Variants in ZNF462 observed in about 807,000 individuals in gnomAD.
ZNF462 encodes zinc finger PBX1-interacting protein.
Under a neutral mutation model 201.9 loss-of-function variants are expected in ZNF462, and 10 were observed. The observed-to-expected ratio is 0.05, with a 90% CI of 0.03 to 0.08. The LOEUF (loss-of-function observed/expected upper bound fraction) is 0.08. ZNF462 is among the 10% of genes least tolerant of loss of function. The pLI, the probability that ZNF462 is intolerant of heterozygous loss-of-function variation, is 1.00. For synonymous variants in ZNF462, 1,227 were observed against 1,193.3 expected (o/e 1.03, Z -0.58); for missense variants, 2,523 against 3,168.3 (o/e 0.80, Z 4.89).
At chr9:106,897,275 TG>T (rs1376044665) in intron 1 of ZNF462, among the ~76,000 whole-genome samples, 2 of 152,224 alleles carry the variant, frequency 1.3e-5, no homozygotes, top group Non-Finnish European at 2.9e-5. Context: ...TTATGTATTA[TG>T]TTTTGCAACT....
chr9:106,894,123 A>G (rs1403555197), intron 1 of ZNF462, among the ~76,000 whole-genome samples: 3 of 152,226 alleles, frequency 2.0e-5, no homozygotes, highest in Non-Finnish European at 4.4e-5. Context: ...AGGTTATACA[A>G]CTTGCCAAGC....
intron 6 of ZNF462, among the ~76,000 whole-genome samples, chr9:106,936,287 T>C (rs1435983511): frequency 2.6e-5 from 4 of 151,892 alleles, no homozygotes; most frequent in Non-Finnish European, 4.4e-5. Flanking sequence ...AGGCGTGTTA[T>C]ATGCATCATC....
rs1265417003 is a variant in ZNF462 at position 106,974,113 on chromosome 9, C to G, written c.6696-24C>G. The G allele has an allele frequency of 6.2e-7, 1 of 1,613,912 alleles. No homozygotes were observed. Among genetic ancestry groups the G allele is most frequent in the Admixed American group, 1.7e-5 (1 of 60,010 alleles). On this transcript the variant is annotated intron_variant, in intron 8 of 12. Coordinates refer to ENST00000277225, the MANE Select transcript of ZNF462 (RefSeq NM_021224.6). The surrounding 1 kb of genome is among the most constrained non-coding windows in gnomAD (Gnocchi z 4.0). ...AATGATCCCTGGTTACACGCATCAC[C>G]TCTCCTCCCAAACTCTCTCCTAGAT...
In ZNF462 at chr9:106,870,433, C is replaced by A. The variant is rs1827538897; in HGVS notation, c.-31+7078C>A. Among the ~76,000 whole-genome samples the A allele has an allele frequency of 6.6e-6, 1 of 152,098 alleles. No homozygotes were observed. The highest frequency in any genetic ancestry group is 1.5e-5 in the Non-Finnish European group (1 of 68,012). On this transcript the variant is annotated intron_variant, in intron 1 of 12. Transcript: ENST00000277225. The surrounding 1 kb of genome is among the most constrained non-coding windows in gnomAD (Gnocchi z 4.3). ...TTGTGCTGCGCCTGTCCACATCTTACCCCCAACCTTATTCAAAGAGTAGAC... is the reference window on the plus strand; with the variant it reads ...TTGTGCTGCGCCTGTCCACATCTTAACCCCAACCTTATTCAAAGAGTAGAC...
At chr9:107,002,140 T>C (rs1201662649) in intron 10 of ZNF462, among the ~76,000 whole-genome samples, 1 of 152,144 alleles carries the variant, frequency 6.6e-6, no homozygotes, top group Non-Finnish European at 1.5e-5. Flanking sequence ...TCTTGTAAAT[T>C]ATCTCTTTCC....
Position 106,925,875 on chromosome 9 carries a change from G to A in ZNF462, c.1963G>A (p.Val655Met). The A allele has an allele frequency of 6.2e-7, 1 of 1,614,188 alleles. No individual in the cohort carries two copies. The highest frequency in any genetic ancestry group is 8.5e-7 in the Non-Finnish European group (1 of 1,180,030). Residue 655 changes from valine to methionine, a missense_variant, in exon 3 of 13, where the codon GTG becomes ATG. Transcript: ENST00000277225. This position sits in a 1 kb window ranked among gnomAD's most constrained non-coding sequence, Gnocchi z 7.9. ...CAGCCACCCCTCTTCCAGCAACACTGTGAAGAAAAGTCAGACCTCAATTCT... is the reference window on the plus strand; with the variant it reads ...CAGCCACCCCTCTTCCAGCAACACTATGAAGAAAAGTCAGACCTCAATTCT... ...TDSHPSSSNT[V>M]KKSQTSILGL...
At chr9:106,982,779 C>T (rs906224547) in intron 9 of ZNF462, among the ~76,000 whole-genome samples, 2 of 152,154 alleles carry the variant, frequency 1.3e-5, no homozygotes, top group African/African-American at 4.8e-5. Context: ...AAGGCAGTGA[C>T]TGCCCTACAA....
intron 1 of ZNF462, among the ~76,000 whole-genome samples, chr9:106,901,487 A>T (rs1483040240): frequency 1.3e-5 from 2 of 152,064 alleles, no homozygotes; most frequent in Admixed American, 1.3e-4. Context: ...ATTGCATTGA[A>T]TTTGTACATT....
intron 1 of ZNF462, among the ~76,000 whole-genome samples, chr9:106,908,910 C>CATACATATATATATAT (rs1554699359): frequency 2.3e-5 from 1 of 43,978 alleles, no homozygotes; most frequent in African/African-American, 1.1e-4. Flanking sequence ...CCCATATATA[C>CATACATATATATATAT]ATATATATAT....
intron 7 of ZNF462, among the ~76,000 whole-genome samples, chr9:106,951,577 A>G (rs1831349674): frequency 6.6e-6 from 1 of 152,230 alleles, no homozygotes; most frequent in African/African-American, 2.4e-5. Context: ...GACTGGCCAT[A>G]TAAAGCCACT....
At chr9:106,864,788 C>T (rs1002345113) in intron 1 of ZNF462, among the ~76,000 whole-genome samples, 1 of 152,074 alleles carries the variant, frequency 6.6e-6, no homozygotes, top group African/African-American at 2.4e-5. Context: ...GTCTGAGTGT[C>T]TGTGTTGGCT....
At chr9:106,900,532 C>A (rs969596628) in intron 1 of ZNF462, among the ~76,000 whole-genome samples, 1 of 152,046 alleles carries the variant, frequency 6.6e-6, no homozygotes, top group Admixed American at 6.6e-5. Flanking sequence ...CTCTGTTCAC[C>A]GCATCCATGC....
Position 107,009,690 on chromosome 9 carries a change from A to T in ZNF462, c.7313+22A>T. ...GCATGTAAGTTGGGCCACTTCAAGG[A>T]TGCCTTTGTCCAAAGCAAGAGGTAG... is the stretch of plus-strand genomic sequence containing the variant. On this transcript the variant is annotated intron_variant, in intron 12 of 12. Coordinates refer to ENST00000277225, the MANE Select transcript of ZNF462 (RefSeq NM_021224.6). This position sits in a 1 kb window ranked among gnomAD's most constrained non-coding sequence, Gnocchi z 6.1. The T allele has an allele frequency of 9.4e-7, 1 of 1,064,570 alleles. No individual in the cohort carries two copies. The highest frequency in any genetic ancestry group is 1.3e-6 in the Non-Finnish European group (1 of 748,686). The allele number at this position is 1,064,570 out of a possible 1,614,324, so 65.9% of individuals were successfully genotyped here.
In ZNF462 at chr9:106,895,483, T is replaced by C. The variant is rs1198004871; in HGVS notation, c.-30-27871T>C. On this transcript the variant is annotated intron_variant, in intron 1 of 12. Transcript: ENST00000277225. The surrounding 1 kb of genome is among the most constrained non-coding windows in gnomAD (Gnocchi z 4.4). Reference sequence around the variant, plus strand: ...CCACCATCCTCTTCACCTCTAGGAGTCCCTCATGATGCTAGCAAAATAATC... The same window carrying C: ...CCACCATCCTCTTCACCTCTAGGAGCCCCTCATGATGCTAGCAAAATAATC... 1.3e-5 allele frequency among the ~76,000 whole-genome samples: 2 copies of C among 152,002 alleles called. No homozygotes were observed. Among genetic ancestry groups the C allele is most frequent in the African/African-American group, 2.4e-5 (1 of 41,370 alleles).
At chr9:106,861,833 GCTT>G (rs1236966058), upstream of ZNF462, among the ~76,000 whole-genome samples, 1 of 152,172 alleles carries the variant, frequency 6.6e-6, no homozygotes, top group African/African-American at 2.4e-5. Context: ...AGGTGTGAAA[GCTT>G]CATCTTGGCT....
Position 106,913,416 on chromosome 9 carries a change from G to T in ZNF462, c.-30-9938G>T, listed in dbSNP as rs540081570. Among the ~76,000 whole-genome samples, 1 of 152,250 alleles carries T rather than the reference G, an allele frequency of 6.6e-6. No individual in the cohort carries two copies. The highest frequency in any genetic ancestry group is 2.1e-4 in the South Asian group (1 of 4,820). ...TACTCATAGCACAAATCTCATCAGA[G>T]CCAGACTTATGCCGGGCCCTGGGGA... On this transcript the variant is annotated intron_variant, in intron 1 of 12. Transcript: ENST00000277225. The surrounding 1 kb of genome is among the most constrained non-coding windows in gnomAD (Gnocchi z 4.1).
chr9:106,954,078 A>G lies in ZNF462; in HGVS notation c.6427+14971A>G, dbSNP rs1831471193. 6.6e-6 allele frequency among the ~76,000 whole-genome samples: 1 copy of G among 152,154 alleles called. No homozygotes were observed. Among genetic ancestry groups the G allele is most frequent in the Non-Finnish European group, 1.5e-5 (1 of 68,042 alleles). On this transcript the variant is annotated intron_variant, in intron 7 of 12. Coordinates refer to ENST00000277225, the MANE Select transcript of ZNF462 (RefSeq NM_021224.6). The surrounding 1 kb of genome is among the most constrained non-coding windows in gnomAD (Gnocchi z 4.0). ...TCATTCTATTCTAAGCAAGGTTAAG[A>G]GTTCAAATCATCCTCCTATTCAGAA...
chr9:106,971,866 A>T, intron 7 of ZNF462, 139 bp from the exon 8 acceptor site: 2 of 1,025,052 alleles, frequency 2.0e-6, no homozygotes, highest in Non-Finnish European at 2.8e-6. Context: ...TGTACACCTT[A>T]AGTATAAACA....
rs995778970 is a variant in ZNF462 at position 106,950,175 on chromosome 9, T to C, written c.6427+11068T>C. ...TAACCTCCATCTTTTCCAATCTGTT[T>C]TCCAGGATATCTTTGTTAATCACAA... On this transcript the variant is annotated intron_variant, in intron 7 of 12. Transcript: ENST00000277225. The surrounding 1 kb of genome is among the most constrained non-coding windows in gnomAD (Gnocchi z 4.1). Among the ~76,000 whole-genome samples, 4 of 152,230 alleles carry C rather than the reference T, an allele frequency of 2.6e-5. No homozygotes were observed. The highest frequency in any genetic ancestry group is 5.9e-5 in the Non-Finnish European group (4 of 68,044).
Sources: allele counts gnomAD v4.1 joint callset (sites outside exome capture counted in the v4.1 genomes callset), GRCh38; gene constraint gnomAD v4.1.1; non-coding constraint Gnocchi (gnomAD v3.1); transcripts MANE v1.5; gene names NCBI Gene and HGNC (gene_info 2026-07-23, HGNC 2026-07-21).